The following HTATIP2 variants were observed in gnomAD, a reference collection of about 807,000 sequenced individuals.
HTATIP2 encodes the protein protein HTATIP2.
A neutral mutation model predicts 24.7 loss-of-function variants in HTATIP2; 26 were observed. The observed-to-expected ratio is 1.05, with a 90% CI of 0.77 to 1.46. The LOEUF is 1.46. Among genes scored for constraint, HTATIP2 ranks in the 40% most tolerant of loss-of-function variants. The pLI, the probability that HTATIP2 is intolerant of heterozygous loss-of-function variation, is 0.00. For missense variants in HTATIP2, 284 were observed against 289.6 expected, an observed-to-expected ratio of 0.98 and a Z score of 0.14; for synonymous variants, 99 against 113.2, an observed-to-expected ratio of 0.87 and a Z score of 0.79.
chr11:20,379,057 A>AAACAAACAACAAC (rs1848483445), intron 3 of HTATIP2, among the ~76,000 whole-genome samples: 1 of 151,368 alleles, frequency 6.6e-6, no homozygotes, highest in Admixed American at 6.6e-5. Flanking sequence ...AAAACAAAAC[A>AAACAAACAACAAC]AACAACAACA....
At position 20,364,358 on chromosome 11, in the gene HTATIP2, C is replaced by T. The variant is rs1445599130; in HGVS notation, c.121C>T (p.Gln41Ter). 1.2e-6 allele frequency: 2 copies of T among 1,613,590 alleles called. No individual in the cohort carries two copies. Among genetic ancestry groups the T allele is most frequent in the African/African-American group, 2.7e-5 (2 of 75,038 alleles). ...GRVLLKEILEQGLFSKVTLIG... is the reference protein window; with the variant it reads ...GRVLLKEILE ...AGTGCTCTTAAAGGAAATCCTGGAG[C>T]AGGGCCTGTTTTCCAAAGTCACGCT... The change falls in exon 1 of 5, where the codon CAG (glutamine) becomes TAG (stop). Residue 41 changes from glutamine (Q) to a stop codon, truncating the protein, a stop_gained. Coordinates refer to ENST00000451739, the MANE Select transcript of HTATIP2 (RefSeq NM_001098522.2). LOFTEE classifies it high-confidence loss of function.
intron 3 of HTATIP2, among the ~76,000 whole-genome samples, chr11:20,380,662 A>G (rs1189464886): frequency 9.3e-6 from 1 of 107,092 alleles, no homozygotes; most frequent in South Asian, 3.2e-4. Flanking sequence ...ACAGAGTGAG[A>G]CTCCATCTCA....
intron 4 of HTATIP2, 112 bp downstream of exon 4, chr11:20,382,351 T>A (rs763414551): frequency 1.5e-6 from 1 of 661,450 alleles, no homozygotes. Flanking sequence ...ATGAAAGACA[T>A]TGGCTAGAGG....
intron 3 of HTATIP2, among the ~76,000 whole-genome samples, chr11:20,381,416 G>C (rs1443532384): frequency 6.6e-6 from 1 of 151,920 alleles, no homozygotes; most frequent in Non-Finnish European, 1.5e-5. Context: ...CTTCAGCCTA[G>C]GTGACATGGT....
At chr11:20,365,575 C>A (rs891872972) in intron 1 of HTATIP2, among the ~76,000 whole-genome samples, 10 of 152,308 alleles carry the variant, frequency 6.6e-5, no homozygotes, top group African/African-American at 2.2e-4. Flanking sequence ...TGCCTTTGGT[C>A]CATCAAGTCT....
At chr11:20,364,634 T>C (rs1390295541) in intron 1 of HTATIP2, among the ~76,000 whole-genome samples, 1 of 152,118 alleles carries the variant, frequency 6.6e-6, no homozygotes, top group Admixed American at 6.6e-5. Context: ...TCCCGCTCAT[T>C]GTGTGGTCTT....
intron 1 of HTATIP2, among the ~76,000 whole-genome samples, chr11:20,366,174 T>C (rs892445751): frequency 1.4e-5 from 2 of 141,240 alleles, no homozygotes; most frequent in African/African-American, 2.6e-5. Context: ...CGATCTCAGC[T>C]CACTGCAAGC....
At chr11:20,372,248 A>T (rs1467274462) in intron 2 of HTATIP2, among the ~76,000 whole-genome samples, 1 of 152,158 alleles carries the variant, frequency 6.6e-6, no homozygotes, top group African/African-American at 2.4e-5. Flanking sequence ...TGACCCCATG[A>T]CCTTCTTGAG....
intron 2 of HTATIP2, 192 bp downstream of exon 2, chr11:20,367,473 A>G (rs1221635194): frequency 6.8e-6 from 10 of 1,464,576 alleles, no homozygotes; most frequent in Non-Finnish European, 9.0e-6. Context: ...TTTCAAAGTA[A>G]TCCTTGAGTT....
At chr11:20,376,741 A>G in intron 3 of HTATIP2, 24 bp downstream of exon 3, 4 of 1,588,182 alleles carry the variant, frequency 2.5e-6, no homozygotes, top group Non-Finnish European at 3.4e-6. Context: ...TCTGTTTTTC[A>G]TACACTTTGG....
In HTATIP2 at chr11:20,376,605, A is replaced by T. The variant is rs774813244; in HGVS notation, c.329A>T (p.Asp110Val). 5.6e-6 allele frequency: 9 copies of T among 1,613,998 alleles called. No homozygotes were observed. The South Asian group carries it at 6.6e-5, about 12-fold the overall frequency. The stretch of plus-strand genomic sequence containing the variant: ...GAGGGATTTGTTCGTGTTGACCGAG[A>T]TTATGTGCTGAAGTCTGCAGAGCTG... ...GAEGFVRVDR[D>V]YVLKSAELAK... The change falls in exon 3 of 5, where the codon GAT (aspartate) becomes GTT (valine). Residue 110 changes from aspartate (D) to valine (V), a missense_variant. Asp to Val is a radical substitution (Grantham distance 152). Transcript: ENST00000451739.
rs2064671738 is a variant in HTATIP2 at position 20,364,369 on chromosome 11, T to G, written c.132T>G (p.Phe44Leu). The change falls in exon 1 of 5, where the codon TTT (phenylalanine) becomes TTG (leucine). Residue 44 changes from phenylalanine (F) to leucine (L), a missense_variant. Phe to Leu is a conservative substitution (Grantham distance 22, BLOSUM62 0). Transcript: ENST00000451739. ...LLKEILEQGL[F>L]SKVTLIGRRK... ...AGGAAATCCTGGAGCAGGGCCTGTTTTCCAAAGTCACGCTCATTGGCCGGA... is the reference window on the plus strand; with the variant it reads ...AGGAAATCCTGGAGCAGGGCCTGTTGTCCAAAGTCACGCTCATTGGCCGGA... The G allele has an allele frequency of 1.9e-6, 3 of 1,613,270 alleles. No homozygotes were observed. Among genetic ancestry groups the G allele is most frequent in the South Asian group, 1.1e-5 (1 of 91,010 alleles).
chr11:20,381,068 G>A (rs1217129652), intron 3 of HTATIP2, among the ~76,000 whole-genome samples: 1 of 152,098 alleles, frequency 6.6e-6, no homozygotes, highest in Non-Finnish European at 1.5e-5. Context: ...TTCTTTTCAG[G>A]GTGATGAAAT....
chr11:20,364,858 C>CT (rs2064678287), intron 1 of HTATIP2, among the ~76,000 whole-genome samples: 1 of 152,162 alleles, frequency 6.6e-6, no homozygotes, highest in Admixed American at 6.5e-5. Flanking sequence ...TCTGAAACTG[C>CT]TTTGCAGAGT....
At chr11:20,366,024 T>C (rs577777654) in intron 1 of HTATIP2, among the ~76,000 whole-genome samples, 2 of 150,598 alleles carry the variant, frequency 1.3e-5, no homozygotes, top group South Asian at 4.2e-4. Context: ...GTTTTGAGTG[T>C]CGAGTTTTGG....
chr11:20,366,099 CTTTTT>C (rs746247166), intron 1 of HTATIP2, among the ~76,000 whole-genome samples: 2 of 108,668 alleles, frequency 1.8e-5, no homozygotes, highest in Non-Finnish European at 3.7e-5. Flanking sequence ...CTTTTCTTTT[CTTTTT>C]TTTTTTTTTT....
Position 20,376,697 on chromosome 11 carries a change from T to G in HTATIP2, c.421T>G (p.Phe141Val). The part of the protein sequence containing the change: ...SSKGADKSSN[F>V]LYLQVKGEVE... ...TAAAGGAGCTGATAAATCAAGCAAT[T>G]TTTTATATCTACAAGTTAAGGTTTG... The change falls in exon 3 of 5, where the codon TTT becomes GTT. Residue 141 changes from phenylalanine to valine, a missense_variant. Coordinates refer to ENST00000451739, the MANE Select transcript of HTATIP2 (RefSeq NM_001098522.2). The G allele has an allele frequency of 1.9e-6, 3 of 1,610,372 alleles. No individual in the cohort carries two copies. The highest frequency in any genetic ancestry group is 2.5e-6 in the Non-Finnish European group (3 of 1,179,046).
chr11:20,379,253 G>A (rs183835596), intron 3 of HTATIP2, among the ~76,000 whole-genome samples: 55 of 152,240 alleles, frequency 3.6e-4, no homozygotes, highest in African/African-American at 1.2e-3. Context: ...CCAATACAAC[G>A]GAAAGACACT....
intron 2 of HTATIP2, 64 bp from the exon 3 acceptor site, chr11:20,376,516 A>C: frequency 1.3e-6 from 2 of 1,583,146 alleles, no homozygotes; most frequent in Non-Finnish European, 1.7e-6. Context: ...ACCCAAGCCA[A>C]GTAGTAATCT....
Sources: allele counts gnomAD v4.1 joint callset (sites outside exome capture counted in the v4.1 genomes callset), GRCh38; gene constraint gnomAD v4.1.1; transcripts MANE v1.5; gene names NCBI Gene and HGNC (gene_info 2026-07-23, HGNC 2026-07-21).